ARHGAP10: variants seen among roughly 807,000 people sequenced by gnomAD.
ARHGAP10 encodes the protein Rho GTPase activating protein 10, also known as rho GTPase-activating protein 10.
ARHGAP10 carries 87 observed loss-of-function variants against 108.6 expected under a neutral mutation model. The observed-to-expected ratio is 0.80, with a 90% CI of 0.67 to 0.96. The LOEUF (loss-of-function observed/expected upper bound fraction) is 0.96. Among genes scored for constraint, ARHGAP10 ranks in the 40% least tolerant of loss-of-function variants. ARHGAP10 has a pLI of 0.00. For missense variants in ARHGAP10, 939 were observed against 954.5 expected (o/e 0.98, Z 0.21); for synonymous variants, 347 against 341.1 (o/e 1.02, Z -0.19).
At chr4:147,956,750 CT>C (rs554503809) in intron 16 of ARHGAP10, among the ~76,000 whole-genome samples, 10,303 of 141,878 alleles carry the variant, frequency 0.073, 449 homozygotes, top group African/African-American at 0.14. Flanking sequence ...TTTTTTTTTC[CT>C]TTTTTTTTTT....
At chr4:147,765,335 T>TGGGGGGGGG (rs1463328322) in intron 1 of ARHGAP10, among the ~76,000 whole-genome samples, 1 of 22,688 alleles carries the variant, frequency 4.4e-5, no homozygotes, top group African/African-American at 8.8e-5. Flanking sequence ...TGTGTGTGTG[T>TGGGGGGGGG]GTGGGGGGGG....
intron 22 of ARHGAP10, among the ~76,000 whole-genome samples, chr4:148,066,364 C>T (rs552796293): frequency 1.7e-4 from 26 of 152,308 alleles, no homozygotes; most frequent in Admixed American, 9.2e-4. Flanking sequence ...GAGAATCACA[C>T]GGGGTATAGG....
At chr4:147,935,837 A>C (rs1737908788) in intron 13 of ARHGAP10, among the ~76,000 whole-genome samples, 1 of 152,192 alleles carries the variant, frequency 6.6e-6, no homozygotes, top group Non-Finnish European at 1.5e-5. Context: ...GGTTTATTTA[A>C]ATTTCATTTA....
At chr4:147,981,987 G>C (rs1355060687) in intron 18 of ARHGAP10, among the ~76,000 whole-genome samples, 1 of 152,200 alleles carries the variant, frequency 6.6e-6, no homozygotes, top group East Asian at 1.9e-4. Context: ...GCAAACAGCA[G>C]AAGGACGGAT....
chr4:147,812,738 A>G (rs1732081596), intron 1 of ARHGAP10, among the ~76,000 whole-genome samples: 1 of 152,220 alleles, frequency 6.6e-6, no homozygotes, highest in African/African-American at 2.4e-5. Context: ...CCGAGGCAGC[A>G]TATTTTGATG....
intron 3 of ARHGAP10, among the ~76,000 whole-genome samples, chr4:147,833,874 G>A (rs1733054342): frequency 6.6e-6 from 1 of 152,132 alleles, no homozygotes; most frequent in South Asian, 2.1e-4. Flanking sequence ...GGGAAAATAT[G>A]GTTTCGAAGC....
At chr4:147,790,385 G>A (rs186779345) in intron 1 of ARHGAP10, among the ~76,000 whole-genome samples, 220 of 152,264 alleles carry the variant, frequency 1.4e-3, no homozygotes, top group Non-Finnish European at 2.5e-3. Context: ...CATTCAGTTC[G>A]TAACACCTAG....
intron 1 of ARHGAP10, among the ~76,000 whole-genome samples, chr4:147,797,289 T>C (rs1731355083): frequency 6.6e-6 from 1 of 152,150 alleles, no homozygotes; most frequent in Non-Finnish European, 1.5e-5. Context: ...TCCAACCTCT[T>C]AGCCAGGTCT....
chr4:147,777,548 C>G (rs1730350077), intron 1 of ARHGAP10, among the ~76,000 whole-genome samples: 1 of 152,040 alleles, frequency 6.6e-6, no homozygotes, highest in Admixed American at 6.5e-5. Flanking sequence ...AGCCACCACA[C>G]CTGGCCGGGT....
intron 10 of ARHGAP10, among the ~76,000 whole-genome samples, chr4:147,884,413 ACT>A (rs754181021): frequency 1.3e-5 from 2 of 151,932 alleles, no homozygotes; most frequent in Non-Finnish European, 2.9e-5. Context: ...TTATAGGGAG[ACT>A]CTCTTTTCAA....
At chr4:147,749,214 G>T (rs1258407826) in intron 1 of ARHGAP10, among the ~76,000 whole-genome samples, 10 of 152,184 alleles carry the variant, frequency 6.6e-5, no homozygotes, top group Non-Finnish European at 2.9e-5. Flanking sequence ...CCTGTAGCTT[G>T]CCTGGATACA....
intron 18 of ARHGAP10, among the ~76,000 whole-genome samples, chr4:148,020,540 T>G (rs1166460824): frequency 1.7e-5 from 2 of 114,774 alleles, no homozygotes; most frequent in African/African-American, 5.0e-5. Context: ...AGAACATGCG[T>G]TTTTTGTTTT....
At chr4:147,917,559 A>G (rs1241348798) in intron 13 of ARHGAP10, among the ~76,000 whole-genome samples, 4 of 152,184 alleles carry the variant, frequency 2.6e-5, no homozygotes, top group Non-Finnish European at 2.9e-5. Context: ...TAATTCTGCC[A>G]TAAGTTAGTT....
At chr4:147,990,111 GGGCAGATGAAGAA>G (rs1445653201) in intron 18 of ARHGAP10, among the ~76,000 whole-genome samples, 2 of 152,164 alleles carry the variant, frequency 1.3e-5, no homozygotes, top group Admixed American at 1.3e-4. Flanking sequence ...ATTGATTGGA[GGGCAGATGAAGAA>G]GGCACCCCGT....
At chr4:147,809,263 A>G (rs558302082) in intron 1 of ARHGAP10, 1 of 152,372 alleles carries the variant, frequency 6.6e-6, no homozygotes, top group Admixed American at 6.5e-5. Context: ...TCTTCAAATA[A>G]TCGACAGTCA....
At chr4:148,049,690 T>G (rs1248351447) in intron 20 of ARHGAP10, among the ~76,000 whole-genome samples, 4 of 152,082 alleles carry the variant, frequency 2.6e-5, no homozygotes, top group Non-Finnish European at 4.4e-5. Context: ...TGCCTTTGAG[T>G]GTTCTTTAAT....
chr4:147,912,358 G>C (rs1736779282), intron 12 of ARHGAP10, among the ~76,000 whole-genome samples: 1 of 151,038 alleles, frequency 6.6e-6, no homozygotes, highest in Non-Finnish European at 1.5e-5. Context: ...TGGCCAACAT[G>C]GTGAAACCCC....
In ARHGAP10 at chr4:148,047,045, C is replaced by A. The variant is rs1327121651; in HGVS notation, c.2021C>A (p.Ser674Tyr). The A allele has an allele frequency of 6.2e-7, 1 of 1,614,106 alleles. No individual in the cohort carries two copies. The highest frequency in any genetic ancestry group is 8.5e-7 in the Non-Finnish European group (1 of 1,180,010). Residue 674 changes from serine to tyrosine, a missense_variant, in exon 20 of 23, where the codon TCC becomes TAC. Coordinates refer to ENST00000336498, the MANE Select transcript of ARHGAP10 (RefSeq NM_024605.4). Reference protein sequence around the residue: ...ADGGSFGDWASTIPGQTRSSM... With the variant: ...ADGGSFGDWAYTIPGQTRSSM... Reference sequence around the variant, plus strand: ...GGAGGGAGCTTTGGAGACTGGGCATCCACTATGTAAGTAACCGTGCTTCTG... The same window carrying A: ...GGAGGGAGCTTTGGAGACTGGGCATACACTATGTAAGTAACCGTGCTTCTG...
chr4:148,035,849 A>G (rs1407214209), intron 19 of ARHGAP10, among the ~76,000 whole-genome samples: 1 of 152,134 alleles, frequency 6.6e-6, no homozygotes, highest in Non-Finnish European at 1.5e-5. Context: ...TTTCTGATCA[A>G]AGAATCTGGA....
Sources: gnomAD v4.1 joint callset for allele counts (sites outside exome capture counted in the v4.1 genomes callset) on GRCh38, gnomAD v4.1.1 for gene constraint, MANE v1.5 for transcripts, NCBI Gene and HGNC (gene_info 2026-07-23, HGNC 2026-07-21) for gene names.